The following PRRX2 variants were observed in gnomAD, a reference collection of about 807,000 sequenced individuals.
The protein encoded by PRRX2 is paired mesoderm homeobox protein 2.
PRRX2 carries 11 observed loss-of-function variants against 18.0 expected under a neutral mutation model. That is an observed-to-expected ratio of 0.61 (90% CI 0.39 to 1.01). PRRX2 has a LOEUF of 1.01. PRRX2 is among the 50% of genes least tolerant of loss of function. PRRX2 has a pLI of 0.01. For synonymous variants in PRRX2, 177 were observed against 154.8 expected, an observed-to-expected ratio of 1.14 and a Z score of -1.06; for missense variants, 387 against 351.0, an observed-to-expected ratio of 1.10 and a Z score of -0.82.
intron 1 of PRRX2, among the ~76,000 whole-genome samples, chr9:129,716,445 GCTTT>G (rs1205477175): frequency 6.4e-4 from 95 of 149,166 alleles, no homozygotes; most frequent in African/African-American, 2.2e-3. Context: ...TACATACTAT[GCTTT>G]CTTTCTTTTT....
Position 129,722,488 on chromosome 9 carries a change from G to GACCA in PRRX2, c.*136_*137insACCA. ...CCAGCCTGGACTCCCGAGCCCACGAGGCTGTTGAGGCCCCTGCAGCCGGGC... is the reference window on the plus strand; with the variant it reads ...CCAGCCTGGACTCCCGAGCCCACGAGACCAGCTGTTGAGGCCCCTGCAGCCGGGC... On this transcript the variant is annotated 3_prime_UTR_variant, in exon 4 of 4. Transcript: ENST00000372469. 2.0e-6 allele frequency: 2 copies of GACCA among 994,462 alleles called. No individual in the cohort carries two copies. Among genetic ancestry groups the GACCA allele is most frequent in the Non-Finnish European group, 2.6e-6 (2 of 760,242 alleles). 61.6% of individuals were successfully genotyped at this position (994,462 alleles called of 1,614,324 possible). A position where few individuals can be genotyped will look rare whatever the true frequency, so the allele number is the denominator to read the frequency against.
rs190482899 is a variant in PRRX2 at position 129,709,873 on chromosome 9, C to T, written c.260-9358C>T. Among the ~76,000 whole-genome samples, 5 of 152,204 alleles carry T rather than the reference C, an allele frequency of 3.3e-5. No individual in the cohort carries two copies. The East Asian group carries it at 9.7e-4, about 29-fold the overall frequency. On this transcript the variant is annotated intron_variant, in intron 1 of 3. Transcript: ENST00000372469. This position sits in a 1 kb window ranked among gnomAD's most constrained non-coding sequence, Gnocchi z 4.2. ...CACAGGAGGGCGGGCTCTGCAGGCT[C>T]ACCCGGCCCTTCCCATGCCTCCCCT...
chr9:129,680,453 C>A (rs1196197714), intron 1 of PRRX2, among the ~76,000 whole-genome samples: 1 of 149,458 alleles, frequency 6.7e-6, no homozygotes, highest in Non-Finnish European at 1.5e-5. Context: ...AATTTGCTTT[C>A]TCTCTCTCTC....
intron 1 of PRRX2, among the ~76,000 whole-genome samples, chr9:129,680,525 A>C (rs1337693092): frequency 9.1e-6 from 1 of 109,622 alleles, no homozygotes; most frequent in Non-Finnish European, 1.7e-5. Flanking sequence ...ATTTAGGACC[A>C]TCACGTTCCC....
At chr9:129,677,645 G>T (rs1272252112) in intron 1 of PRRX2, among the ~76,000 whole-genome samples, 1 of 152,214 alleles carries the variant, frequency 6.6e-6, no homozygotes, top group Non-Finnish European at 1.5e-5. Flanking sequence ...TGATGGGGAG[G>T]GGGGTGACCA....
intron 1 of PRRX2, among the ~76,000 whole-genome samples, chr9:129,710,080 G>A (rs1283900454): frequency 6.6e-6 from 1 of 152,212 alleles, no homozygotes; most frequent in Non-Finnish European, 1.5e-5. Flanking sequence ...GGGAGCTTAA[G>A]CCTGTGGGTC....
chr9:129,678,130 A>G (rs1832184412), intron 1 of PRRX2, among the ~76,000 whole-genome samples: 1 of 151,518 alleles, frequency 6.6e-6, no homozygotes, highest in Admixed American at 6.6e-5. Flanking sequence ...TGCCTGGCAC[A>G]TTTTTGTATT....
At chr9:129,701,731 C>T (rs1056865945) in intron 1 of PRRX2, among the ~76,000 whole-genome samples, 3 of 152,212 alleles carry the variant, frequency 2.0e-5, no homozygotes, top group Non-Finnish European at 4.4e-5. Flanking sequence ...TACATGTGGA[C>T]ATGCAACAAA....
intron 1 of PRRX2, among the ~76,000 whole-genome samples, chr9:129,688,801 T>C (rs1237415987): frequency 6.6e-6 from 1 of 152,124 alleles, no homozygotes; most frequent in Non-Finnish European, 1.5e-5. Flanking sequence ...AGTTGGGTCT[T>C]GTAGGATGAG....
intron 1 of PRRX2, among the ~76,000 whole-genome samples, chr9:129,711,399 C>CTTT (rs897807963): frequency 0.041 from 3,444 of 84,962 alleles, 193 homozygotes; most frequent in Non-Finnish European, 0.054. Flanking sequence ...GTGAGATTCT[C>CTTT]TTTTTTTTTT....
intron 1 of PRRX2, among the ~76,000 whole-genome samples, chr9:129,672,052 G>A (rs1832106692): frequency 6.6e-6 from 1 of 152,184 alleles, no homozygotes; most frequent in Admixed American, 6.5e-5. Context: ...AAGAATGTGG[G>A]GTCAGGCTGG....
chr9:129,683,754 A>G (rs949133126), intron 1 of PRRX2, among the ~76,000 whole-genome samples: 6 of 151,906 alleles, frequency 3.9e-5, no homozygotes, highest in African/African-American at 1.5e-4. Flanking sequence ...TAAAAAATAA[A>G]AAAGACACAG....
chr9:129,720,667 G>A lies in PRRX2; in HGVS notation c.519G>A (p.Ser173=), dbSNP rs146603979. The change falls in exon 3 of 4, where the codon TCG becomes TCA. Residue 173 remains serine, a synonymous_variant. Transcript: ENST00000372469. ...ERAMLASRSA[S]LLKSYSQEAA... is the part of the protein sequence containing the mutation. ...CCATGCTGGCCAGCCGCTCTGCCTC[G>A]CTGCTCAAGTCCTACAGCCAGGAGG... 57 of 1,613,394 alleles carry A rather than the reference G, an allele frequency of 3.5e-5. No individual in the cohort carries two copies. In the African/African-American group the frequency reaches 4.4e-4, roughly 12 times the overall value.
chr9:129,710,513 C>CACA lies in PRRX2; in HGVS notation c.260-8716_260-8714dup, dbSNP rs1564154177. Among the ~76,000 whole-genome samples, 4 of 152,266 alleles carry CACA rather than the reference C, an allele frequency of 2.6e-5. No individual in the cohort carries two copies. The South Asian group carries it at 8.3e-4, about 32-fold the overall frequency. ...CTTTGGGAGGCTGAGGCGGGTGGAC[C>CACA]ACAAGGTCAAGAGATCGAGACCATC... On this transcript the variant is annotated intron_variant, in intron 1 of 3. Coordinates refer to ENST00000372469, the MANE Select transcript of PRRX2 (RefSeq NM_016307.4).
chr9:129,694,377 T>G (rs1487465697), intron 1 of PRRX2, among the ~76,000 whole-genome samples: 1 of 151,978 alleles, frequency 6.6e-6, no homozygotes, highest in Non-Finnish European at 1.5e-5. Flanking sequence ...TAGAGATGGG[T>G]TTTTGCCATG....
intron 1 of PRRX2, among the ~76,000 whole-genome samples, chr9:129,681,651 G>T (rs1414867394): frequency 1.3e-5 from 2 of 152,146 alleles, no homozygotes; most frequent in Non-Finnish European, 2.9e-5. Context: ...GCCTCCATCC[G>T]GTGCCCCCTC....
chr9:129,704,513 A>C (rs1832535704), intron 1 of PRRX2, among the ~76,000 whole-genome samples: 1 of 152,070 alleles, frequency 6.6e-6, no homozygotes, highest in African/African-American at 2.4e-5. Flanking sequence ...TGGGTTGGGA[A>C]TATTCTCTCC....
intron 1 of PRRX2, among the ~76,000 whole-genome samples, chr9:129,684,047 G>A (rs1202724650): frequency 1.3e-5 from 2 of 152,222 alleles, no homozygotes; most frequent in Non-Finnish European, 2.9e-5. Flanking sequence ...GCAGCGATGG[G>A]AGCAGAGGAG....
At position 129,721,251 on chromosome 9, in the gene PRRX2, G is replaced by C. The variant is rs574755252; in HGVS notation, c.626+477G>C. On this transcript the variant is annotated intron_variant, in intron 3 of 3. Coordinates refer to ENST00000372469, the MANE Select transcript of PRRX2 (RefSeq NM_016307.4). ...TCCACCCTCCAGACGAGAAACTGACGCTGGGAGGGCTGAGGAAATGGTCTC... is the reference window on the plus strand; with the variant it reads ...TCCACCCTCCAGACGAGAAACTGACCCTGGGAGGGCTGAGGAAATGGTCTC... 5.9e-5 allele frequency among the ~76,000 whole-genome samples: 9 copies of C among 152,282 alleles called. No individual in the cohort carries two copies. In the East Asian group the frequency reaches 1.4e-3, roughly 23 times the overall value.
Sources: allele counts gnomAD v4.1 joint callset (sites outside exome capture counted in the v4.1 genomes callset), GRCh38; gene constraint gnomAD v4.1.1; non-coding constraint Gnocchi (gnomAD v3.1); transcripts MANE v1.5; gene names NCBI Gene and HGNC (gene_info 2026-07-23, HGNC 2026-07-21).